Variants in NTNG1 observed in about 807,000 individuals in gnomAD.
NTNG1 encodes the protein netrin G1.
NTNG1 carries 16 observed loss-of-function variants against 54.0 expected under a neutral mutation model. That is an observed-to-expected ratio of 0.30 (90% CI 0.20 to 0.45). The LOEUF (loss-of-function observed/expected upper bound fraction) is 0.45. Among genes scored for constraint, NTNG1 ranks in the 20% least tolerant of loss-of-function variants. The pLI, the probability that NTNG1 is intolerant of heterozygous loss-of-function variation, is 1.00. For synonymous variants in NTNG1, 255 were observed against 263.1 expected (o/e 0.97, Z 0.30); for missense variants, 530 against 678.7 (o/e 0.78, Z 2.43).
intron 2 of NTNG1, among the ~76,000 whole-genome samples, chr1:107,214,211 G>T (rs1659787885): frequency 6.6e-6 from 1 of 152,012 alleles, no homozygotes; most frequent in South Asian, 2.1e-4. Flanking sequence ...GAGATTTGGT[G>T]CACCCATCAT....
intron 1 of NTNG1, among the ~76,000 whole-genome samples, chr1:107,146,619 A>G (rs1654140000): frequency 6.6e-6 from 1 of 152,128 alleles, no homozygotes; most frequent in South Asian, 2.1e-4. Context: ...ATACATATTT[A>G]GACAAACTAC....
At chr1:107,344,812 T>A (rs528598095) in intron 3 of NTNG1, among the ~76,000 whole-genome samples, 1 of 152,184 alleles carries the variant, frequency 6.6e-6, no homozygotes, top group Non-Finnish European at 1.5e-5. Context: ...TCAAGTTGTC[T>A]AGTTGGCTGA....
At chr1:107,472,683 G>GCCAGACCAGA (rs3064154) in intron 7 of NTNG1, among the ~76,000 whole-genome samples, 6 of 151,636 alleles carry the variant, frequency 4.0e-5, no homozygotes, top group South Asian at 2.1e-4. Flanking sequence ...ACCCCTCATG[G>GCCAGACCAGA]CCAGACCAGA....
At chr1:107,148,914 G>A (rs1306597125) in intron 2 of NTNG1, 75 bp downstream of exon 2, 3 of 1,421,108 alleles carry the variant, frequency 2.1e-6, no homozygotes, top group African/African-American at 1.4e-5. Context: ...TGTGGTGAGT[G>A]TGAAGACAAT....
At chr1:107,355,616 A>G (rs182703129) in intron 3 of NTNG1, among the ~76,000 whole-genome samples, 64 of 152,276 alleles carry the variant, frequency 4.2e-4, no homozygotes, top group Non-Finnish European at 6.9e-4. Context: ...GCCCAAACAA[A>G]TAAGTTTCCT....
At chr1:107,222,910 C>G (rs1325563303) in intron 2 of NTNG1, among the ~76,000 whole-genome samples, 1 of 150,784 alleles carries the variant, frequency 6.6e-6, no homozygotes, top group East Asian at 2.0e-4. Flanking sequence ...CAAGCTCAAC[C>G]AACATTTGGT....
intron 3 of NTNG1, among the ~76,000 whole-genome samples, chr1:107,389,646 C>T (rs1029500954): frequency 2.6e-5 from 4 of 152,158 alleles, no homozygotes; most frequent in Admixed American, 6.5e-5. Flanking sequence ...TCTGCCTTAG[C>T]GACACCCTTA....
chr1:107,424,054 C>A lies in NTNG1; in HGVS notation c.1088-6696C>A, dbSNP rs77785376. On this transcript the variant is annotated intron_variant, in intron 5 of 7. Transcript: ENST00000370068. ...CACAGTCTGCCCTTGAATATTTACA[C>A]TCAGAGAGGGAGAAATTATTTTTGC... 6.6e-4 allele frequency among the ~76,000 whole-genome samples: 101 copies of A among 152,116 alleles called. 2 individuals carry two copies. In the East Asian group the frequency reaches 0.018, roughly 28 times the overall value.
chr1:107,238,474 A>G (rs1661567995), intron 2 of NTNG1, among the ~76,000 whole-genome samples: 1 of 152,142 alleles, frequency 6.6e-6, no homozygotes, highest in South Asian at 2.1e-4. Context: ...TTGAAATGTG[A>G]GGACATAAGA....
intron 2 of NTNG1, among the ~76,000 whole-genome samples, chr1:107,245,016 T>C (rs1570944533): frequency 6.6e-6 from 1 of 152,266 alleles, no homozygotes; most frequent in Non-Finnish European, 1.5e-5. Flanking sequence ...AGAAGATTTA[T>C]TGTGGGCTGG....
chr1:107,409,508 A>G (rs1306807369), intron 5 of NTNG1: 1 of 152,180 alleles, frequency 6.6e-6, no homozygotes, highest in African/African-American at 2.4e-5. Flanking sequence ...CCTTTTACAC[A>G]TCAAATCAGG....
At chr1:107,391,724 C>G (rs1262685414) in intron 3 of NTNG1, among the ~76,000 whole-genome samples, 1 of 151,932 alleles carries the variant, frequency 6.6e-6, no homozygotes, top group Non-Finnish European at 1.5e-5. Context: ...AGGTACCACA[C>G]TTTTTAAACC....
chr1:107,358,438 G>T (rs1053429852), intron 3 of NTNG1, among the ~76,000 whole-genome samples: 1 of 151,768 alleles, frequency 6.6e-6, no homozygotes, highest in African/African-American at 2.4e-5. Context: ...GGTCACGAGT[G>T]GGGGTTTCCT....
chr1:107,181,808 A>C (rs1233618511), intron 2 of NTNG1, among the ~76,000 whole-genome samples: 3 of 152,144 alleles, frequency 2.0e-5, no homozygotes, highest in Non-Finnish European at 4.4e-5. Flanking sequence ...ATCCACAAGA[A>C]ATGTGAGGTA....
At chr1:107,441,433 CA>C (rs1275355714) in intron 7 of NTNG1, among the ~76,000 whole-genome samples, 1 of 152,046 alleles carries the variant, frequency 6.6e-6, no homozygotes, top group African/African-American at 2.4e-5. Context: ...AAGTGAAAGT[CA>C]AAAGATTTGG....
At chr1:107,240,604 C>T (rs1449686669) in intron 2 of NTNG1, among the ~76,000 whole-genome samples, 1 of 152,176 alleles carries the variant, frequency 6.6e-6, no homozygotes, top group African/African-American at 2.4e-5. Context: ...GTGCACATTC[C>T]TCTGCAAATC....
intron 7 of NTNG1, among the ~76,000 whole-genome samples, chr1:107,437,955 A>G (rs1162539443): frequency 1.3e-5 from 2 of 152,192 alleles, no homozygotes; most frequent in African/African-American, 4.8e-5. Context: ...GTCAGCATGC[A>G]GGAAACATCT....
At chr1:107,286,376 A>T (rs1031376267) in intron 2 of NTNG1, among the ~76,000 whole-genome samples, 2 of 152,180 alleles carry the variant, frequency 1.3e-5, no homozygotes, top group Non-Finnish European at 2.9e-5. Flanking sequence ...GCCACCAATG[A>T]TGAGCTATCC....
chr1:107,424,906 A>T (rs1483296599), intron 5 of NTNG1, among the ~76,000 whole-genome samples: 1 of 152,078 alleles, frequency 6.6e-6, no homozygotes, highest in African/African-American at 2.4e-5. Flanking sequence ...GAGTGAATGT[A>T]GAGAACAAAG....
Sources: allele counts gnomAD v4.1 joint callset (sites outside exome capture counted in the v4.1 genomes callset), GRCh38; gene constraint gnomAD v4.1.1; transcripts MANE v1.5; gene names NCBI Gene and HGNC (gene_info 2026-07-23, HGNC 2026-07-21).